The following CNTNAP5 variants were observed in gnomAD, a reference collection of about 807,000 sequenced individuals.
CNTNAP5 encodes the protein contactin associated protein family member 5, also known as contactin-associated protein-like 5.
A neutral mutation model predicts 150.2 loss-of-function variants in CNTNAP5; 72 were observed. The ratio of observed to expected loss-of-function variants is 0.48; its 90% CI spans 0.40 to 0.58. CNTNAP5 has a LOEUF of 0.58. Among genes scored for constraint, CNTNAP5 ranks in the 20% least tolerant of loss-of-function variants. The pLI is 0.00. For missense variants in CNTNAP5, 1,636 were observed against 1,626.2 expected, an observed-to-expected ratio of 1.01 and a Z score of -0.10; for synonymous variants, 672 against 619.8, an observed-to-expected ratio of 1.08 and a Z score of -1.25.
At chr2:124,523,386 G>T (rs1694893302) in intron 8 of CNTNAP5, among the ~76,000 whole-genome samples, 3 of 152,176 alleles carry the variant, frequency 2.0e-5, no homozygotes, top group African/African-American at 7.2e-5. Flanking sequence ...GAAAGTCTTT[G>T]TGACCAATCA....
rs1678834086 is a variant in CNTNAP5, at chr2:124,919,629, G to A, written c.*5341G>A. On this transcript the variant is annotated 3_prime_UTR_variant, in exon 24 of 24. Transcript: ENST00000682447. ...CTCCTCACTCAGGAGTCTCTTTAGT[G>A]CATTTGGATCATTGTCTTACTCATT... 6.6e-6 allele frequency among the ~76,000 whole-genome samples: 1 copy of A among 152,022 alleles called. No individual in the cohort carries two copies.
At chr2:124,325,999 GC>G (rs1233066822) in intron 3 of CNTNAP5, among the ~76,000 whole-genome samples, 1 of 152,140 alleles carries the variant, frequency 6.6e-6, no homozygotes, top group East Asian at 1.9e-4. Flanking sequence ...AGCCATGCTG[GC>G]TGCAACAATG....
chr2:124,757,608 T>C (rs1193469730), intron 14 of CNTNAP5, among the ~76,000 whole-genome samples: 1 of 152,200 alleles, frequency 6.6e-6, no homozygotes, highest in Non-Finnish European at 1.5e-5. Flanking sequence ...AGAAGTTTCA[T>C]CACCTTCCTG....
chr2:124,229,670 A>G (rs1686564067), intron 2 of CNTNAP5, among the ~76,000 whole-genome samples: 1 of 152,136 alleles, frequency 6.6e-6, no homozygotes, highest in Admixed American at 6.6e-5. Context: ...TGTGGCAAGA[A>G]AGCTTTTGAT....
At chr2:124,624,897 G>T in intron 12 of CNTNAP5, among the ~76,000 whole-genome samples, 1 of 152,154 alleles carries the variant, frequency 6.6e-6, no homozygotes, top group Admixed American at 6.5e-5. Context: ...CACCATGCTA[G>T]GTATTTTATA....
At position 124,603,986 on chromosome 2, in the gene CNTNAP5, C is replaced by T. The variant is rs572129052; in HGVS notation, c.1757-5815C>T. ...CTTTAATAAAAGTCTTGTTTTTAGG[C>T]AAAGCAAGACATTCCACTTTCATTC... On this transcript the variant is annotated intron_variant, in intron 11 of 23. Transcript: ENST00000682447. Among the ~76,000 whole-genome samples the T allele has an allele frequency of 1.3e-5, 2 of 152,254 alleles. 1 individual carries two copies. The highest frequency in any genetic ancestry group is 4.1e-4 in the South Asian group (2 of 4,832).
At chr2:124,472,993 A>G (rs1332976447) in intron 6 of CNTNAP5, among the ~76,000 whole-genome samples, 3 of 152,042 alleles carry the variant, frequency 2.0e-5, no homozygotes, top group African/African-American at 7.2e-5. Flanking sequence ...AAAGGAAATA[A>G]CTAAAGAGTA....
intron 1 of CNTNAP5, among the ~76,000 whole-genome samples, chr2:124,127,206 CAA>C (rs1465026522): frequency 6.6e-6 from 1 of 152,184 alleles, no homozygotes; most frequent in African/African-American, 2.4e-5. Context: ...GCAACTTCAG[CAA>C]AGTCTCAGGA....
chr2:124,130,074 G>T (rs1300061189), intron 1 of CNTNAP5, among the ~76,000 whole-genome samples: 3 of 152,076 alleles, frequency 2.0e-5, no homozygotes, highest in Non-Finnish European at 4.4e-5. Context: ...ATTGTAATTA[G>T]ACTTTGAAAA....
At chr2:124,854,756 G>C in intron 19 of CNTNAP5, among the ~76,000 whole-genome samples, 1 of 152,178 alleles carries the variant, frequency 6.6e-6, no homozygotes. Context: ...CCTCCTAGGG[G>C]AGCTTAGATT....
In CNTNAP5 at chr2:124,270,308, C is replaced by CA. The variant is rs367741201; in HGVS notation, c.381+27926dup. ...TGGATGGCTGAGCAAGACTCCATCTCAAAAAAAAAAAGGACTTTATGAAAT... is the reference window on the plus strand; with the variant it reads ...TGGATGGCTGAGCAAGACTCCATCTCAAAAAAAAAAAAGGACTTTATGAAAT... On this transcript the variant is annotated intron_variant, in intron 3 of 23. Coordinates refer to ENST00000682447, the MANE Select transcript of CNTNAP5 (RefSeq NM_001367498.1). Among the ~76,000 whole-genome samples the CA allele has an allele frequency of 1.4e-3, 199 of 140,296 alleles. 1 individual carries two copies. Among genetic ancestry groups the CA allele is most frequent in the African/African-American group, 4.1e-3 (156 of 38,380 alleles). The allele number at this position is 140,296 out of a possible 152,430, so 92.0% of individuals were successfully genotyped here.
At chr2:124,151,148 C>CGT (rs1203817953) in intron 1 of CNTNAP5, among the ~76,000 whole-genome samples, 1 of 152,086 alleles carries the variant, frequency 6.6e-6, no homozygotes, top group African/African-American at 2.4e-5. Context: ...AGGAGGTGCA[C>CGT]GTGTCCAATG....
At chr2:124,093,498 T>C (rs1682861401) in intron 1 of CNTNAP5, among the ~76,000 whole-genome samples, 1 of 152,248 alleles carries the variant, frequency 6.6e-6, no homozygotes, top group African/African-American at 2.4e-5. Flanking sequence ...TTAATGATTC[T>C]TGGTAAATGC....
intron 3 of CNTNAP5, among the ~76,000 whole-genome samples, chr2:124,406,621 A>G (rs1339026325): frequency 2.0e-5 from 3 of 152,216 alleles, no homozygotes; most frequent in African/African-American, 7.2e-5. Context: ...TTTGATACAT[A>G]CACAGAATGT....
At chr2:124,684,077 G>A (rs1006837513) in intron 13 of CNTNAP5, among the ~76,000 whole-genome samples, 1 of 152,156 alleles carries the variant, frequency 6.6e-6, no homozygotes, top group Non-Finnish European at 1.5e-5. Flanking sequence ...AGGTAAATTA[G>A]CAAAGTGCAA....
chr2:124,091,194 C>G (rs1287938157), intron 1 of CNTNAP5, among the ~76,000 whole-genome samples: 1 of 152,080 alleles, frequency 6.6e-6, no homozygotes, highest in Non-Finnish European at 1.5e-5. Flanking sequence ...AAATAGTGAG[C>G]AGGGAGTGTA....
chr2:124,475,026 G>A, intron 7 of CNTNAP5, 144 bp downstream of exon 7: 1 of 603,156 alleles, frequency 1.7e-6, no homozygotes, highest in Non-Finnish European at 2.8e-6. Flanking sequence ...ACACTGGAGA[G>A]AAAGAGAATG....
intron 4 of CNTNAP5, among the ~76,000 whole-genome samples, chr2:124,425,785 C>T (rs184625678): frequency 1.3e-5 from 2 of 152,102 alleles, no homozygotes; most frequent in African/African-American, 2.4e-5. Flanking sequence ...TTAGGGTGTT[C>T]GAGTTCCTCG....
In CNTNAP5 at chr2:124,713,179, C is replaced by T. The variant is rs1045529328; in HGVS notation, c.2078-34050C>T. Among the ~76,000 whole-genome samples the T allele has an allele frequency of 4.0e-5, 4 of 99,594 alleles. 1 individual carries two copies. The highest frequency in any genetic ancestry group is 9.2e-5 in the Non-Finnish European group (4 of 43,426). 65.3% of individuals were successfully genotyped at this position (99,594 alleles called of 152,430 possible). On this transcript the variant is annotated intron_variant, in intron 13 of 23. Transcript: ENST00000682447. ...TCCTCCCTCCCTCCCTCTCTCTTTT[C>T]CTCCTTCCTTCCTTCCTCCCTCCCT...
Sources: allele counts gnomAD v4.1 joint callset (sites outside exome capture counted in the v4.1 genomes callset), GRCh38; gene constraint gnomAD v4.1.1; transcripts MANE v1.5; gene names NCBI Gene and HGNC (gene_info 2026-07-23, HGNC 2026-07-21).